FBXO21: variants seen among roughly 807,000 people sequenced by gnomAD.
The protein encoded by FBXO21 is F-box protein 21.
FBXO21 carries 32 observed loss-of-function variants against 76.6 expected under a neutral mutation model. The ratio of observed to expected loss-of-function variants is 0.42; its 90% CI spans 0.32 to 0.56. FBXO21 has a LOEUF of 0.56. Ranked by LOEUF, FBXO21 falls within the 20% of genes least tolerant of loss-of-function variation. The pLI is 0.16. For missense variants in FBXO21, 586 were observed against 797.3 expected, an observed-to-expected ratio of 0.73 and a Z score of 3.19; for synonymous variants, 328 against 311.5, an observed-to-expected ratio of 1.05 and a Z score of -0.56.
chr12:117,153,467 C>T (rs902695487), intron 11 of FBXO21, among the ~76,000 whole-genome samples: 11 of 152,220 alleles, frequency 7.2e-5, no homozygotes, highest in Admixed American at 6.5e-4. Flanking sequence ...GCCCTCCAAG[C>T]ACACATGCCC....
At chr12:117,163,379 A>G (rs992699546) in intron 9 of FBXO21, among the ~76,000 whole-genome samples, 2 of 151,308 alleles carry the variant, frequency 1.3e-5, no homozygotes, top group Admixed American at 1.3e-4. Flanking sequence ...CTAAAAATAT[A>G]AAAATTAACC....
Position 117,184,272 on chromosome 12 carries a change from A to T in FBXO21, c.470+2205T>A, listed in dbSNP as rs375026109. 8.7e-4 allele frequency among the ~76,000 whole-genome samples: 132 copies of T among 152,242 alleles called. No individual in the cohort carries two copies. The East Asian group carries it at 0.02, about 23-fold the overall frequency. The stretch of plus-strand genomic sequence containing the variant: ...TGGAATGACACTAGGTTTATAAATT[A>T]ATTTGGGGAGAACTGACATTTTTTG... On this transcript the variant is annotated intron_variant, in intron 3 of 11. Transcript: ENST00000622495.
intron 1 of FBXO21, 111 bp downstream of exon 1, chr12:117,190,107 G>A: frequency 4.5e-6 from 2 of 444,042 alleles, no homozygotes; most frequent in Non-Finnish European, 6.0e-6. Context: ...GAAGGGGTCC[G>A]GGGTGGGGTC....
At chr12:117,172,710 C>A (rs1956129738) in intron 6 of FBXO21, 103 bp from the exon 7 acceptor site, 2 of 1,243,718 alleles carry the variant, frequency 1.6e-6, no homozygotes, top group South Asian at 3.1e-5. Context: ...GGGCATGATG[C>A]TCATTTGTGA....
At chr12:117,165,333 A>G in intron 9 of FBXO21, 152 bp downstream of exon 9, 1 of 811,836 alleles carries the variant, frequency 1.2e-6, no homozygotes, top group Non-Finnish European at 1.9e-6. Flanking sequence ...AAGAGAAGTA[A>G]AAAAAAATCT....
At position 117,166,190 on chromosome 12, in the gene FBXO21, C is replaced by CAA. The variant is rs34746643; in HGVS notation, c.1194-575_1194-574dup. 2.1e-3 allele frequency among the ~76,000 whole-genome samples: 228 copies of CAA among 107,740 alleles called. 3 individuals are homozygous for CAA. Among genetic ancestry groups the CAA allele is most frequent in the East Asian group, 0.016 (53 of 3,340 alleles). The allele number at this position is 107,740 out of a possible 152,430, so 70.7% of individuals were successfully genotyped here. A position where few individuals can be genotyped will look rare whatever the true frequency, so the allele number is the denominator to read the frequency against. On this transcript the variant is annotated intron_variant, in intron 8 of 11. Transcript: ENST00000622495. ...GGGCAACAAGAGCGAAACTATGTCT[C>CAA]AAAAAAAAAAAAAAAAAAAGAATTC...
At chr12:117,157,172 A>G (rs1028731799) in intron 10 of FBXO21, among the ~76,000 whole-genome samples, 30 of 151,722 alleles carry the variant, frequency 2.0e-4, no homozygotes, top group African/African-American at 7.3e-4. Context: ...ACAGACCCAG[A>G]CTGTCTCCAA....
At chr12:117,171,357 CAAA>C (rs57835444) in intron 7 of FBXO21, among the ~76,000 whole-genome samples, 3 of 52,654 alleles carry the variant, frequency 5.7e-5, no homozygotes, top group African/African-American at 1.7e-4. Context: ...GACCCTGTCT[CAAA>C]AAAAAAAAAA....
chr12:117,167,210 A>G, intron 7 of FBXO21, 133 bp from the exon 8 acceptor site: 1 of 713,144 alleles, frequency 1.4e-6, no homozygotes, highest in Non-Finnish European at 2.3e-6. Context: ...GTCTTGTCCA[A>G]GTTTAAAATC....
chr12:117,168,802 C>T (rs1956087610), intron 7 of FBXO21, among the ~76,000 whole-genome samples: 1 of 152,028 alleles, frequency 6.6e-6, no homozygotes, highest in South Asian at 2.1e-4. Context: ...GAGAGTTGAA[C>T]ATGAAAAAAT....
At chr12:117,171,144 A>T (rs1168787931) in intron 7 of FBXO21, among the ~76,000 whole-genome samples, 1 of 152,046 alleles carries the variant, frequency 6.6e-6, no homozygotes, top group Non-Finnish European at 1.5e-5. Flanking sequence ...CAGGCGGATC[A>T]CTTGAACTCA....
rs3999685 is a variant in FBXO21 at position 117,150,956 on chromosome 12, TTGTGTGTGTGTGTG to T, written c.1676-4693_1676-4680del. ...TTGAGTTTGGAAGTATCAAATAAGT[TTGTGTGTGTGTGTG>T]TGTGTGTGTGTGTGTGTGTGTGTGT... is the stretch of plus-strand genomic sequence containing the variant. On this transcript the variant is annotated intron_variant, in intron 11 of 11. Transcript: ENST00000622495. 6.9e-3 allele frequency among the ~76,000 whole-genome samples: 656 copies of T among 94,716 alleles called. 11 individuals are homozygous for T. The highest frequency in any genetic ancestry group is 0.02 in the Admixed American group (157 of 7,966). 62.1% of individuals were successfully genotyped at this position (94,716 alleles called of 152,430 possible). A position where few individuals can be genotyped will look rare whatever the true frequency, so the allele number is the denominator to read the frequency against.
In FBXO21 at chr12:117,181,599, GTCTATCTA is replaced by G. The variant is rs1555242788; in HGVS notation, c.471-3966_471-3959del. Among the ~76,000 whole-genome samples the G allele has an allele frequency of 2.3e-3, 331 of 145,660 alleles. 3 individuals carry two copies. The South Asian group carries it at 0.023, about 10-fold the overall frequency. ...TCGATCGATCTATCTATCTGAGACA[GTCTATCTA>G]TCTATCTATCTATCTATCTATCTAT... On this transcript the variant is annotated intron_variant, in intron 3 of 11. Coordinates refer to ENST00000622495, the MANE Select transcript of FBXO21 (RefSeq NM_015002.3).
chr12:117,151,363 C>T (rs887103956), intron 11 of FBXO21, among the ~76,000 whole-genome samples: 1 of 152,024 alleles, frequency 6.6e-6, no homozygotes, highest in Non-Finnish European at 1.5e-5. Flanking sequence ...GAGTACACAC[C>T]GGGGAAAGAA....
chr12:117,182,738 T>C (rs931958257), intron 3 of FBXO21, among the ~76,000 whole-genome samples: 1 of 151,688 alleles, frequency 6.6e-6, no homozygotes, highest in Non-Finnish European at 1.5e-5. Context: ...AATTTTTGTA[T>C]TTTTAGTAGA....
At chr12:117,149,950 G>A (rs1018269563) in intron 11 of FBXO21, among the ~76,000 whole-genome samples, 1 of 152,182 alleles carries the variant, frequency 6.6e-6, no homozygotes, top group African/African-American at 2.4e-5. Flanking sequence ...TGGGAAACCA[G>A]GCAAGAAGTA....
intron 11 of FBXO21, among the ~76,000 whole-genome samples, chr12:117,147,297 A>AG (rs939896658): frequency 7.5e-5 from 9 of 120,178 alleles, no homozygotes; most frequent in African/African-American, 2.1e-4. Context: ...ATGGAAAAAA[A>AG]AAAAAAAAAA....
intron 11 of FBXO21, among the ~76,000 whole-genome samples, chr12:117,153,735 G>C (rs578229352): frequency 1.3e-5 from 2 of 152,358 alleles, no homozygotes; most frequent in African/African-American, 4.8e-5. Context: ...CAGAAGACGG[G>C]AACTCTCATA....
chr12:117,177,483 G>GA (rs746425633), intron 4 of FBXO21, 37 bp downstream of exon 4: 15 of 1,582,296 alleles, frequency 9.5e-6, no homozygotes, highest in Non-Finnish European at 1.3e-5. Context: ...GTTACCTACA[G>GA]AAATACTACT....
Sources: allele counts gnomAD v4.1 joint callset (sites outside exome capture counted in the v4.1 genomes callset), GRCh38; gene constraint gnomAD v4.1.1; transcripts MANE v1.5; gene names NCBI Gene and HGNC (gene_info 2026-07-23, HGNC 2026-07-21).